CRB2: variants seen among roughly 807,000 people sequenced by gnomAD.
CRB2 encodes the protein protein crumbs homolog 2.
Under a neutral mutation model 110.9 loss-of-function variants are expected in CRB2, and 85 were observed. The ratio of observed to expected loss-of-function variants is 0.77; its 90% CI spans 0.64 to 0.92. CRB2 has a LOEUF of 0.92. CRB2 is among the 40% of genes least tolerant of loss of function. CRB2 has a pLI of 0.00. For synonymous variants in CRB2, 907 were observed against 831.0 expected (o/e 1.09, Z -1.57); for missense variants, 1,843 against 1,851.3 (o/e 1.00, Z 0.08).
At chr9:123,359,134 C>T (rs756336566) in intron 1 of CRB2, among the ~76,000 whole-genome samples, 1 of 152,136 alleles carries the variant, frequency 6.6e-6, no homozygotes, top group African/African-American at 2.4e-5. Flanking sequence ...GTCTTTTAAC[C>T]TCAGAAGGTA....
intron 10 of CRB2, 126 bp downstream of exon 10, chr9:123,374,046 TGAG>T (rs778053050): frequency 6.9e-6 from 8 of 1,167,314 alleles, no homozygotes; most frequent in African/African-American, 6.1e-5. Flanking sequence ...ATCTGTGACA[TGAG>T]GAGGACAGTT....
Position 123,375,461 on chromosome 9 carries a change from G to A in CRB2, c.3633+118G>A, listed in dbSNP as rs1312608069. 4.0e-6 allele frequency: 5 copies of A among 1,255,698 alleles called. No homozygotes were observed. The East Asian group carries it at 1.2e-4, about 29-fold the overall frequency. The allele number at this position is 1,255,698 out of a possible 1,614,324, so 77.8% of individuals were successfully genotyped here. A position where few individuals can be genotyped will look rare whatever the true frequency, so the allele number is the denominator to read the frequency against. Reference sequence around the variant, plus strand: ...TTCCTGGGCCACTCTGTCATGGGGTGGGGCAGTGAGAGGAGCCTCAGGTCC... The same window carrying A: ...TTCCTGGGCCACTCTGTCATGGGGTAGGGCAGTGAGAGGAGCCTCAGGTCC... On this transcript the variant is annotated intron_variant, in intron 12 of 12. Coordinates refer to ENST00000373631, the MANE Select transcript of CRB2 (RefSeq NM_173689.7).
At chr9:123,365,867 C>CCTGCT in intron 2 of CRB2, 50 bp from the exon 3 acceptor site, 1 of 1,513,608 alleles carries the variant, frequency 6.6e-7, no homozygotes, top group East Asian at 2.5e-5. Context: ...CCTCTTCCGC[C>CCTGCT]CTGCTCTGGG....
chr9:123,370,781 T>G lies in CRB2; in HGVS notation c.1728T>G (p.Phe576Leu), dbSNP rs2042003392. 7 of 1,602,802 alleles carry G rather than the reference T, an allele frequency of 4.4e-6. No individual in the cohort carries two copies. The highest frequency in any genetic ancestry group is 5.9e-6 in the Non-Finnish European group (7 of 1,179,938). ...CTGCCCAGCTGGGGGACGCGACCTT[T>G]GCAGGCTGCCTCCAGGACGTGCGTG... The part of the protein sequence containing the change: ...ISSAQLGDAT[F>L]AGCLQDVRVD... The change falls in exon 7 of 13, where the codon TTT (phenylalanine) becomes TTG (leucine). Residue 576 changes from phenylalanine to leucine, a missense_variant. Coordinates refer to ENST00000373631, the MANE Select transcript of CRB2 (RefSeq NM_173689.7).
chr9:123,370,806 G>A lies in CRB2; in HGVS notation c.1753G>A (p.Val585Met). The A allele has an allele frequency of 6.2e-7, 1 of 1,603,700 alleles. No homozygotes were observed. The highest frequency in any genetic ancestry group is 8.5e-7 in the Non-Finnish European group (1 of 1,179,806). ...TGCAGGCTGCCTCCAGGACGTGCGT[G>A]TGGATGGCCACCTCCTGCTGCCTGA... ...TFAGCLQDVR[V>M]DGHLLLPEDL... The change falls in exon 7 of 13, where the codon GTG becomes ATG. Residue 585 changes from valine to methionine, a missense_variant. Transcript: ENST00000373631.
Position 123,371,375 on chromosome 9 carries a change from G to C in CRB2, c.2233G>C (p.Val745Leu). The C allele has an allele frequency of 4.4e-6, 7 of 1,605,796 alleles. No individual in the cohort carries two copies. Among genetic ancestry groups the C allele is most frequent in the Non-Finnish European group, 6.0e-6 (7 of 1,175,774 alleles). Residue 745 changes from valine (V) to leucine (L), a missense_variant, in exon 8 of 13, where the codon GTG (valine) becomes CTG (leucine). Transcript: ENST00000373631. ...PDQLQDLGQHVHVGGRLLAAD... is the reference protein window; with the variant it reads ...PDQLQDLGQHLHVGGRLLAAD... The stretch of plus-strand genomic sequence containing the variant: ...CCAGCTGCAGGACCTGGGGCAGCAC[G>C]TGCACGTGGGTGGGAGGCTCCTTGC...
Position 123,361,239 on chromosome 9 carries a change from A to T in CRB2, c.95-1626A>T, listed in dbSNP as rs534927103. Among the ~76,000 whole-genome samples, 153 of 151,718 alleles carry T rather than the reference A, an allele frequency of 1.0e-3. 1 individual carries two copies. The highest frequency in any genetic ancestry group is 3.4e-3 in the African/African-American group (141 of 41,202). ...GCGCTGGCAGCCGGGGCCCTTTACC[A>T]TGGGTTATGAGTGCTGCACCCTCCT... On this transcript the variant is annotated intron_variant, in intron 1 of 12. Coordinates refer to ENST00000373631, the MANE Select transcript of CRB2 (RefSeq NM_173689.7).
At chr9:123,354,981 C>T (rs1256707550), upstream of CRB2, among the ~76,000 whole-genome samples, 1 of 152,192 alleles carries the variant, frequency 6.6e-6, no homozygotes, top group African/African-American at 2.4e-5. Flanking sequence ...AGGCTGTGTC[C>T]TCCCGTGTCA....
intron 10 of CRB2, among the ~76,000 whole-genome samples, chr9:123,374,269 C>G (rs1210196596): frequency 1.3e-5 from 2 of 151,950 alleles, no homozygotes; most frequent in Non-Finnish European, 2.9e-5. Flanking sequence ...GGGAGCCCAG[C>G]GTGTGGAAGG....
At chr9:123,367,129 G>C in intron 4 of CRB2, 43 bp from the exon 5 acceptor site, 1 of 1,516,520 alleles carries the variant, frequency 6.6e-7, no homozygotes, top group Admixed American at 2.3e-5. Context: ...GGTGCTGCCC[G>C]GCAACCCCGT....
At chr9:123,357,029 G>T (rs953601790) in intron 1 of CRB2, among the ~76,000 whole-genome samples, 5 of 152,018 alleles carry the variant, frequency 3.3e-5, no homozygotes, top group South Asian at 2.1e-4. Context: ...GTGCCTGCCC[G>T]CACCCCTCCA....
rs201939429 is a variant in CRB2, at chr9:123,361,132, C to CGG, written c.95-1730_95-1729dup. On this transcript the variant is annotated intron_variant, in intron 1 of 12. Transcript: ENST00000373631. ...GGGGCAAAGCTTCAGATTGGATGGG[C>CGG]GGGGAGGGGGGGGGGTTCCTTGCAC... Among the ~76,000 whole-genome samples, 396 of 65,206 alleles carry CGG rather than the reference C, an allele frequency of 6.1e-3. 22 individuals carry two copies. Among genetic ancestry groups the CGG allele is most frequent in the South Asian group, 0.012 (22 of 1,894 alleles). 42.8% of individuals were successfully genotyped at this position (65,206 alleles called of 152,430 possible).
Position 123,377,348 on chromosome 9 carries a change from G to T in CRB2, c.*286G>T. Reference sequence around the variant, plus strand: ...ACACGTGGGTTCACAGTGTGTTCAGGAGTGTGTGTATCTGGAGGAGTGTGT... The same window carrying T: ...ACACGTGGGTTCACAGTGTGTTCAGTAGTGTGTGTATCTGGAGGAGTGTGT... On this transcript the variant is annotated 3_prime_UTR_variant, in exon 13 of 13. Transcript: ENST00000373631. 1 of 418,808 alleles carries T rather than the reference G, an allele frequency of 2.4e-6. No individual in the cohort carries two copies. Among genetic ancestry groups the T allele is most frequent in the Non-Finnish European group, 4.3e-6 (1 of 233,302 alleles). 25.9% of individuals were successfully genotyped at this position (418,808 alleles called of 1,614,324 possible).
At chr9:123,373,076 G>C in intron 9 of CRB2, 58 bp from the exon 10 acceptor site, 1 of 1,358,174 alleles carries the variant, frequency 7.4e-7, no homozygotes, top group Non-Finnish European at 9.7e-7. Context: ...GAAGTGGGGA[G>C]GTGGCATTTC....
chr9:123,364,174 C>A (rs978197762), intron 2 of CRB2, among the ~76,000 whole-genome samples: 1 of 152,178 alleles, frequency 6.6e-6, no homozygotes, highest in African/African-American at 2.4e-5. Context: ...AGTGTCTCAG[C>A]GTCTGGGTGT....
chr9:123,367,458 ACACCCG>A (rs2041953633), intron 5 of CRB2, 101 bp downstream of exon 5: 13 of 612,040 alleles, frequency 2.1e-5, no homozygotes, highest in African/African-American at 9.3e-5. Context: ...CCCACACCCC[ACACCCG>A]AGTCTGCCCT....
In CRB2 at chr9:123,367,631, C is replaced by T. The variant is rs1354054463; in HGVS notation, c.999C>T (p.Gly333=). The T allele has an allele frequency of 1.3e-6, 2 of 1,570,756 alleles. No homozygotes were observed. The highest frequency in any genetic ancestry group is 1.2e-5 in the South Asian group (1 of 85,252). ...ECASRPCLNG[G]HCQDLPNGFQ... ...CCTCACGGCCATGCCTCAACGGAGG[C>T]CACTGCCAGGACCTGCCCAATGGCT... is the stretch of plus-strand genomic sequence containing the variant. The change falls in exon 6 of 13, where the codon GGC becomes GGT. Residue 333 remains glycine, a synonymous_variant. Transcript: ENST00000373631.
rs139042402 is a variant in CRB2, at chr9:123,371,405, G to A, written c.2263G>A (p.Asp755Asn). 1.6e-4 allele frequency: 254 copies of A among 1,609,214 alleles called. 1 individual carries two copies. In the Middle Eastern group the frequency reaches 1.6e-3, roughly 10 times the overall value. Residue 755 changes from aspartate (D) to asparagine (N), a missense_variant, in exon 8 of 13, where the codon GAC (aspartate) becomes AAC (asparagine). By Grantham distance (23) the Asp-to-Asn change is conservative (BLOSUM62 1). Transcript: ENST00000373631. ...CGTGGGTGGGAGGCTCCTTGCTGCC[G>A]ACAGCCAGCCCTGGGGTGGGCCCTT... ...VHVGGRLLAADSQPWGGPFRG... is the reference protein window; with the variant it reads ...VHVGGRLLAANSQPWGGPFRG...
intron 5 of CRB2, 76 bp downstream of exon 5, chr9:123,367,433 C>CCCCCACCCCCCCACCCCACA: frequency 2.2e-6 from 2 of 909,304 alleles, no homozygotes; most frequent in Non-Finnish European, 3.0e-6. Context: ...CCCCCCACCC[C>CCCCCACCCCCCCACCCCACA]CCCCACCCCC....
Sources: allele counts gnomAD v4.1 joint callset (sites outside exome capture counted in the v4.1 genomes callset), GRCh38; gene constraint gnomAD v4.1.1; transcripts MANE v1.5; gene names NCBI Gene and HGNC (gene_info 2026-07-23, HGNC 2026-07-21).